The following MYO7B variants were observed in gnomAD, a reference collection of about 807,000 sequenced individuals.
MYO7B encodes the protein unconventional myosin-VIIb.
A neutral mutation model predicts 259.7 loss-of-function variants in MYO7B; 212 were observed. The ratio of observed to expected loss-of-function variants is 0.82; its 90% CI spans 0.73 to 0.91. MYO7B has a LOEUF of 0.91. Ranked by LOEUF, MYO7B falls within the 40% of genes least tolerant of loss-of-function variation. The pLI is 0.00. For synonymous variants in MYO7B, 1,197 were observed against 1,166.4 expected, an observed-to-expected ratio of 1.03 and a Z score of -0.54; for missense variants, 2,732 against 2,813.5, an observed-to-expected ratio of 0.97 and a Z score of 0.66.
intron 6 of MYO7B, among the ~76,000 whole-genome samples, chr2:127,572,012 G>A (rs990692510): frequency 3.3e-5 from 5 of 152,034 alleles, no homozygotes; most frequent in African/African-American, 4.8e-5. Flanking sequence ...TTTCTCCTAT[G>A]TTTTTCCTAT....
At chr2:127,558,807 C>T (rs757416419) in intron 1 of MYO7B, among the ~76,000 whole-genome samples, 2 of 152,082 alleles carry the variant, frequency 1.3e-5, no homozygotes, top group Non-Finnish European at 2.9e-5. Flanking sequence ...AACCAAACAT[C>T]GTATGTTCTC....
chr2:127,557,366 G>A (rs533711577), intron 1 of MYO7B, among the ~76,000 whole-genome samples: 1 of 152,080 alleles, frequency 6.6e-6, no homozygotes, highest in East Asian at 1.9e-4. Context: ...TCCTTGATTA[G>A]CTTAATAATT....
At chr2:127,557,006 T>G (rs1677856072) in intron 1 of MYO7B, among the ~76,000 whole-genome samples, 1 of 152,218 alleles carries the variant, frequency 6.6e-6, no homozygotes, top group Non-Finnish European at 1.5e-5. Context: ...CTCATCTTCC[T>G]CAGGAATGCA....
At chr2:127,581,599 T>C (rs1349942811) in intron 10 of MYO7B, among the ~76,000 whole-genome samples, 3 of 152,162 alleles carry the variant, frequency 2.0e-5, no homozygotes, top group Non-Finnish European at 4.4e-5. Flanking sequence ...AGTCAGGACA[T>C]GCCTGAGGTC....
In MYO7B at chr2:127,539,439, G is replaced by C. The variant is rs536249749; in HGVS notation, c.-24+3608G>C. On this transcript the variant is annotated intron_variant, in intron 1 of 47. Transcript: ENST00000409816. This position sits in a 1 kb window ranked among gnomAD's most constrained non-coding sequence, Gnocchi z 4.0. ...AGTTAGGCAAAAGCCAGTTTCCAAG[G>C]GGAAGACCAGCTTTCCTGTTGCAAT... Among the ~76,000 whole-genome samples the C allele has an allele frequency of 6.6e-6, 1 of 152,200 alleles. No homozygotes were observed. The highest frequency in any genetic ancestry group is 1.5e-5 in the Non-Finnish European group (1 of 68,046).
Position 127,564,181 on chromosome 2 carries a change from C to G in MYO7B, c.47C>G (p.Ser16Cys). Residue 16 changes from serine to cysteine, a missense_variant, in exon 3 of 48, where the codon TCC (serine) becomes TGC (cysteine). Transcript: ENST00000409816. ...LGDHVWLEPP[S>C]THKTGVAIGG... The stretch of plus-strand genomic sequence containing the variant: ...GACCACGTGTGGCTGGAGCCTCCCT[C>G]CACCCACAAGACCGGCGTGGCCATC... The G allele has an allele frequency of 6.4e-7, 1 of 1,572,354 alleles. No homozygotes were observed. The highest frequency in any genetic ancestry group is 8.6e-7 in the Non-Finnish European group (1 of 1,159,532).
Position 127,630,927 on chromosome 2 carries a change from C to T in MYO7B, c.4937+19C>T, listed in dbSNP as rs780823847. 12 of 1,549,152 alleles carry T rather than the reference C, an allele frequency of 7.7e-6. No individual in the cohort carries two copies. In the African/African-American group the frequency reaches 1.2e-4, roughly 16 times the overall value. ...TCTTCAGGTGCCCCCCAGCCCCGCTCCGCCTCATTGCACCCCCACCTCCCA... is the reference window on the plus strand; with the variant it reads ...TCTTCAGGTGCCCCCCAGCCCCGCTTCGCCTCATTGCACCCCCACCTCCCA... On this transcript the variant is annotated intron_variant, in intron 36 of 47. Transcript: ENST00000409816.
chr2:127,624,017 C>A, intron 29 of MYO7B, 76 bp from the exon 30 acceptor site: 1 of 1,363,560 alleles, frequency 7.3e-7, no homozygotes, highest in Non-Finnish European at 1.0e-6. Context: ...TCTACGTGCA[C>A]ACGCTGACGG....
Position 127,614,416 on chromosome 2 carries a change from A to G in MYO7B, c.3398+1813A>G, listed in dbSNP as rs1033248904. On this transcript the variant is annotated intron_variant, in intron 26 of 47. Coordinates refer to ENST00000409816, the MANE Select transcript of MYO7B (RefSeq NM_001393586.1). The surrounding 1 kb of genome is among the most constrained non-coding windows in gnomAD (Gnocchi z 4.6). ...GCAGGAAGCTCATGCCTGCCCAACC[A>G]TACAGTACATGTACAGCTCCCATCT... is the stretch of plus-strand genomic sequence containing the variant. 7.2e-5 allele frequency among the ~76,000 whole-genome samples: 11 copies of G among 152,204 alleles called. 1 individual carries two copies. The highest frequency in any genetic ancestry group is 6.5e-4 in the Admixed American group (10 of 15,286).
In MYO7B at chr2:127,609,463, C is replaced by CGGT; in HGVS notation, c.2815-43_2815-42insGGT. On this transcript the variant is annotated intron_variant, in intron 22 of 47. Coordinates refer to ENST00000409816, the MANE Select transcript of MYO7B (RefSeq NM_001393586.1). This position sits in a 1 kb window ranked among gnomAD's most constrained non-coding sequence, Gnocchi z 6.9. ...CAGTCAGCTGATGGGTTGGTTGTTA[C>CGGT]CTGAAAGCCCTGCTGACCCGTGTTC... is the stretch of plus-strand genomic sequence containing the variant. The CGGT allele has an allele frequency of 2.6e-6, 4 of 1,561,864 alleles. No individual in the cohort carries two copies. The South Asian group carries it at 4.7e-5, about 18-fold the overall frequency.
intron 4 of MYO7B, 143 bp downstream of exon 4, chr2:127,565,528 A>C: frequency 4.4e-6 from 5 of 1,134,996 alleles, no homozygotes; most frequent in Non-Finnish European, 4.9e-6. Context: ...ACTTTTCCCA[A>C]TCTCTGCTGC....
In MYO7B at chr2:127,621,970, C is replaced by T. The variant is rs753514116; in HGVS notation, c.3526-12C>T. On this transcript the variant is annotated splice_polypyrimidine_tract_variant and intron_variant, in intron 27 of 47. Transcript: ENST00000409816. Reference sequence around the variant, plus strand: ...GAGTGTCTTCCTCCCTTCTCCCCTCCTCACCCACCAGTATCTACTGAACTT... The same window carrying T: ...GAGTGTCTTCCTCCCTTCTCCCCTCTTCACCCACCAGTATCTACTGAACTT... 1 of 1,551,608 alleles carries T rather than the reference C, an allele frequency of 6.4e-7. No homozygotes were observed. The highest frequency in any genetic ancestry group is 1.4e-5 in the African/African-American group (1 of 73,058).
At chr2:127,629,368 C>T (rs1044557050) in intron 34 of MYO7B, among the ~76,000 whole-genome samples, 1 of 152,206 alleles carries the variant, frequency 6.6e-6, no homozygotes, top group Non-Finnish European at 1.5e-5. Flanking sequence ...TCATCCCTGG[C>T]TCCTGGTCAG....
chr2:127,629,543 C>G (rs1319673811), intron 34 of MYO7B, 102 bp from the exon 35 acceptor site: 1 of 1,203,296 alleles, frequency 8.3e-7, no homozygotes, highest in Non-Finnish European at 1.2e-6. Context: ...GCCCACCACT[C>G]TATGCCTCGG....
chr2:127,609,254 T>C lies in MYO7B; in HGVS notation c.2815-252T>C, dbSNP rs1282721173. Reference sequence around the variant, plus strand: ...ATGGTGCATGCGGCAGAGGACACAGTGTCTGAGCGTGGGGCCAGGAGGGGA... The same window carrying C: ...ATGGTGCATGCGGCAGAGGACACAGCGTCTGAGCGTGGGGCCAGGAGGGGA... On this transcript the variant is annotated intron_variant, in intron 22 of 47. Coordinates refer to ENST00000409816, the MANE Select transcript of MYO7B (RefSeq NM_001393586.1). This position sits in a 1 kb window ranked among gnomAD's most constrained non-coding sequence, Gnocchi z 6.9. Among the ~76,000 whole-genome samples the C allele has an allele frequency of 6.6e-6, 1 of 152,002 alleles. No homozygotes were observed. The highest frequency in any genetic ancestry group is 1.5e-5 in the Non-Finnish European group (1 of 67,956).
At chr2:127,602,949 G>A (rs1165981200) in intron 19 of MYO7B, among the ~76,000 whole-genome samples, 5 of 150,896 alleles carry the variant, frequency 3.3e-5, no homozygotes, top group African/African-American at 9.8e-5. Context: ...ACAGTAAGCC[G>A]AGATTGCACC....
At chr2:127,570,395 G>A (rs561204008) in intron 6 of MYO7B, among the ~76,000 whole-genome samples, 3 of 152,284 alleles carry the variant, frequency 2.0e-5, no homozygotes, top group East Asian at 1.9e-4. Context: ...AGCTTGGGTC[G>A]GGAGAGGCTC....
Position 127,635,800 on chromosome 2 carries a change from G to A in MYO7B, c.5899G>A (p.Ala1967Thr), listed in dbSNP as rs375000646. The A allele has an allele frequency of 1.3e-6, 2 of 1,595,202 alleles. No individual in the cohort carries two copies. The highest frequency in any genetic ancestry group is 1.3e-5 in the African/African-American group (1 of 74,532). ...AIHLAGLIYK[A>T]QFNNDRSQLA... ...CCACCTGGCGGGCCTCATCTACAAG[G>A]CCCAGTTCAACAACGACCGGTCCCA... is the stretch of plus-strand genomic sequence containing the variant. The change falls in exon 44 of 48, where the codon GCC becomes ACC. Residue 1967 changes from alanine to threonine, a missense_variant. This residue lies in a region of MYO7B where 821 missense variants were observed against 769.3 expected (regional missense o/e 1.07). Coordinates refer to ENST00000409816, the MANE Select transcript of MYO7B (RefSeq NM_001393586.1).
chr2:127,636,454 G>T lies in MYO7B; in HGVS notation c.6124-91G>T. 1 of 1,429,482 alleles carries T rather than the reference G, an allele frequency of 7.0e-7. No individual in the cohort carries two copies. The allele number at this position is 1,429,482 out of a possible 1,614,324, so 88.5% of individuals were successfully genotyped here. ...GTGAGGCTGGAGGGCGTGGGTGTAT[G>T]TGTGTATGTGCGTGTGGCCTAGATG... On this transcript the variant is annotated intron_variant, in intron 45 of 47. Coordinates refer to ENST00000409816, the MANE Select transcript of MYO7B (RefSeq NM_001393586.1). This position sits in a 1 kb window ranked among gnomAD's most constrained non-coding sequence, Gnocchi z 4.5.
Sources: allele counts gnomAD v4.1 joint callset (sites outside exome capture counted in the v4.1 genomes callset), GRCh38; gene constraint gnomAD v4.1.1; regional missense constraint gnomAD v4.1.1; non-coding constraint Gnocchi (gnomAD v3.1); transcripts MANE v1.5; gene names NCBI Gene and HGNC (gene_info 2026-07-23, HGNC 2026-07-21).